PCDHA7: variants seen among roughly 807,000 people sequenced by gnomAD.
The protein encoded by PCDHA7 is protocadherin alpha 7, also known as protocadherin alpha-7.
In PCDHA7, 37 loss-of-function variants were observed where a neutral mutation model predicts 57.2. The observed-to-expected ratio is 0.65, with a 90% confidence interval of 0.50 to 0.85. The LOEUF is 0.85. Ranked by LOEUF, PCDHA7 falls within the 40% of genes least tolerant of loss-of-function variation. PCDHA7 has a pLI of 0.00. For missense variants in PCDHA7, 1,188 were observed against 1,241.8 expected (o/e 0.96, Z 0.65); for synonymous variants, 553 against 558.8 (o/e 0.99, Z 0.15).
At chr5:140,943,501 T>C (rs1235998322) in intron 1 of PCDHA7, among the ~76,000 whole-genome samples, 1 of 152,088 alleles carries the variant, frequency 6.6e-6, no homozygotes, top group Non-Finnish European at 1.5e-5. Flanking sequence ...GCTATCAAGG[T>C]TCATGGAAAT....
chr5:140,838,075 A>AGTGTGTGTGTG (rs781914509), intron 1 of PCDHA7, among the ~76,000 whole-genome samples: 2 of 128,240 alleles, frequency 1.6e-5, no homozygotes, highest in East Asian at 2.3e-4. Context: ...TTATATATAT[A>AGTGTGTGTGTG]TAGTGTGTGT....
intron 1 of PCDHA7, among the ~76,000 whole-genome samples, chr5:140,909,888 C>A (rs1391505487): frequency 6.6e-6 from 1 of 152,172 alleles, no homozygotes; most frequent in Admixed American, 6.5e-5. Flanking sequence ...AGACACTGTT[C>A]AGTAGTCCCT....
intron 1 of PCDHA7, chr5:140,855,866 C>T: frequency 2.5e-6 from 2 of 802,280 alleles, no homozygotes; most frequent in Middle Eastern, 2.5e-4. Flanking sequence ...TCGCTGTCGT[C>T]CACAAAATAG....
chr5:140,901,069 T>C (rs1175492593), intron 1 of PCDHA7, among the ~76,000 whole-genome samples: 2 of 152,186 alleles, frequency 1.3e-5, no homozygotes, highest in Admixed American at 6.5e-5. Context: ...GATTTTTTTT[T>C]CTATAGAGTT....
intron 1 of PCDHA7, among the ~76,000 whole-genome samples, chr5:140,881,147 A>T (rs982102013): frequency 1.3e-5 from 2 of 152,356 alleles, no homozygotes; most frequent in East Asian, 3.9e-4. Context: ...ATAACAATAG[A>T]TAAAAGTAAG....
chr5:140,856,717 A>G (rs947466965), intron 1 of PCDHA7: 1 of 1,596,480 alleles, frequency 6.3e-7, no homozygotes, highest in Non-Finnish European at 8.6e-7. Context: ...AATTTACCGG[A>G]TCTGTTTCTC....
intron 1 of PCDHA7, among the ~76,000 whole-genome samples, chr5:140,924,224 T>A (rs1266072324): frequency 6.6e-6 from 1 of 152,220 alleles, no homozygotes; most frequent in Non-Finnish European, 1.5e-5. Context: ...TAAGTTCAAT[T>A]TTTATGGGCT....
chr5:140,909,769 C>T (rs1213208977), intron 1 of PCDHA7, among the ~76,000 whole-genome samples: 2 of 152,104 alleles, frequency 1.3e-5, no homozygotes, highest in Non-Finnish European at 2.9e-5. Flanking sequence ...AGTCCAGGGA[C>T]CCACTGGACC....
At chr5:140,843,763 G>T in intron 1 of PCDHA7, 1 of 1,492,614 alleles carries the variant, frequency 6.7e-7, no homozygotes, top group Non-Finnish European at 9.2e-7. Flanking sequence ...TGTGGAAATT[G>T]TAGTTACTTT....
At chr5:140,871,103 C>A (rs202137231) in intron 1 of PCDHA7, 29 of 1,613,172 alleles carry the variant, frequency 1.8e-5, no homozygotes, top group South Asian at 1.2e-4. Context: ...GTGCTGGTGT[C>A]GTTGGTGGAG....
chr5:140,905,493 T>C (rs185992010), intron 1 of PCDHA7, among the ~76,000 whole-genome samples: 10 of 152,288 alleles, frequency 6.6e-5, no homozygotes, highest in Non-Finnish European at 1.5e-4. Context: ...CTTCTTTTTG[T>C]TTTGTATTGC....
intron 1 of PCDHA7, chr5:140,856,750 C>G (rs1554149043): frequency 6.3e-7 from 1 of 1,596,268 alleles, no homozygotes; most frequent in African/African-American, 1.3e-5. Context: ...TGTTAGATGC[C>G]AATGATAACG....
chr5:140,954,441 G>A (rs1411694581), intron 1 of PCDHA7, among the ~76,000 whole-genome samples: 2 of 151,498 alleles, frequency 1.3e-5, no homozygotes, highest in Non-Finnish European at 3.0e-5. Flanking sequence ...TGTTGTTTCT[G>A]GACTTGTTAA....
At position 140,856,180 on chromosome 5, in the gene PCDHA7, G is replaced by C; in HGVS notation, c.2355+19442G>C. ...AGGAGGCCAGACACGGCACCTTCGT[G>C]GGCCGCATCGCGCAGGACCTGGGGC... On this transcript the variant is annotated intron_variant, in intron 1 of 3. Coordinates refer to ENST00000525929, the MANE Select transcript of PCDHA7 (RefSeq NM_018910.3). The C allele has an allele frequency of 3.1e-6, 5 of 1,598,262 alleles. 1 individual carries two copies. Among genetic ancestry groups the C allele is most frequent in the Non-Finnish European group, 4.3e-6 (5 of 1,167,898 alleles).
Position 140,917,329 on chromosome 5 carries a change from G to GT in PCDHA7, c.2356-61620_2356-61619insT, listed in dbSNP as rs1563018868. On this transcript the variant is annotated intron_variant, in intron 1 of 3. Coordinates refer to ENST00000525929, the MANE Select transcript of PCDHA7 (RefSeq NM_018910.3). ...ACAATTTGGTGTTCATGTGGCGGGG[G>GT]AGGGGGGGGATGGTGTAGGCTTCTG... is the stretch of plus-strand genomic sequence containing the variant. 5.6e-5 allele frequency among the ~76,000 whole-genome samples: 8 copies of GT among 143,930 alleles called. 1 individual carries two copies. The highest frequency in any genetic ancestry group is 9.1e-5 in the Non-Finnish European group (6 of 65,842). The allele number at this position is 143,930 out of a possible 152,430, so 94.4% of individuals were successfully genotyped here.
chr5:140,861,274 GCT>G lies in PCDHA7; in HGVS notation c.2355+24537_2355+24538del, dbSNP rs538032435. The G allele has an allele frequency of 1.4e-4, 25 of 180,670 alleles. 1 individual carries two copies. In the South Asian group the frequency reaches 2.9e-3, roughly 21 times the overall value. 11.2% of individuals were successfully genotyped at this position (180,670 alleles called of 1,614,324 possible). On this transcript the variant is annotated intron_variant, in intron 1 of 3. Transcript: ENST00000525929. The stretch of plus-strand genomic sequence containing the variant: ...AGGAATCCCGGAGCCTACAGCACTG[GCT>G]TCTGCTCCTTGAATTTTGTGAAGCG...
chr5:140,878,257 T>C (rs1266553954), intron 1 of PCDHA7, among the ~76,000 whole-genome samples: 10 of 152,206 alleles, frequency 6.6e-5, no homozygotes, highest in African/African-American at 2.4e-4. Flanking sequence ...CCTCACGTGC[T>C]TAGGCTTTTA....
chr5:140,899,050 G>A (rs1554188361), intron 1 of PCDHA7, among the ~76,000 whole-genome samples: 2 of 152,016 alleles, frequency 1.3e-5, no homozygotes, highest in African/African-American at 4.8e-5. Context: ...TGTATCCTGA[G>A]ACTTTGCTGA....
chr5:140,947,975 A>C lies in PCDHA7; in HGVS notation c.2356-30974A>C, dbSNP rs572156919. ...TTTTACAATTAAGTATGTGCTACTC[A>C]TAGGTTTTTCCCAAATACTTTATTA... On this transcript the variant is annotated intron_variant, in intron 1 of 3. Transcript: ENST00000525929. Among the ~76,000 whole-genome samples the C allele has an allele frequency of 2.7e-5, 4 of 150,726 alleles. No individual in the cohort carries two copies. In the East Asian group the frequency reaches 7.8e-4, roughly 29 times the overall value.
Sources: gnomAD v4.1 joint callset for allele counts (sites outside exome capture counted in the v4.1 genomes callset) on GRCh38, gnomAD v4.1.1 for gene constraint, MANE v1.5 for transcripts, NCBI Gene and HGNC (gene_info 2026-07-23, HGNC 2026-07-21) for gene names.